SEPTIN7: variants seen among roughly 807,000 people sequenced by gnomAD.
SEPTIN7 encodes the protein septin 7, also known as septin-7.
SEPTIN7 carries 10 observed loss-of-function variants against 63.3 expected under a neutral mutation model. That is an observed-to-expected ratio of 0.16 (90% CI 0.10 to 0.27). SEPTIN7 has a LOEUF of 0.27. Among genes scored for constraint, SEPTIN7 ranks in the 10% least tolerant of loss-of-function variants. The pLI, the probability that SEPTIN7 is intolerant of heterozygous loss-of-function variation, is 1.00. For missense variants in SEPTIN7, 310 were observed against 521.0 expected, an observed-to-expected ratio of 0.59 and a Z score of 3.94; for synonymous variants, 131 against 165.3, an observed-to-expected ratio of 0.79 and a Z score of 1.59.
downstream of SEPTIN7, among the ~76,000 whole-genome samples, chr7:35,908,681 TTTG>T (rs1182424827): frequency 6.6e-6 from 1 of 152,122 alleles, no homozygotes; most frequent in African/African-American, 2.4e-5. Flanking sequence ...AAACTTCCTT[TTTG>T]TTCTCTTTGT....
At chr7:35,820,260 T>G (rs1789332643) in intron 1 of SEPTIN7, among the ~76,000 whole-genome samples, 1 of 152,120 alleles carries the variant, frequency 6.6e-6, no homozygotes, top group Non-Finnish European at 1.5e-5. Context: ...CTTATTCAGT[T>G]TGTTGAGCTT....
chr7:35,843,653 T>G (rs771838229), intron 3 of SEPTIN7, among the ~76,000 whole-genome samples: 1 of 152,164 alleles, frequency 6.6e-6, no homozygotes, highest in Non-Finnish European at 1.5e-5. Flanking sequence ...ATGGTGGAGA[T>G]AAAAAGCTCT....
chr7:35,913,519 C>T, the SEPTIN7 span, among the ~76,000 whole-genome samples: 1 of 148,318 alleles, frequency 6.7e-6, no homozygotes. Context: ...TTCCTTCCTT[C>T]CTTCTTTCTT....
At chr7:35,910,077 T>C (rs532903093), downstream of SEPTIN7, among the ~76,000 whole-genome samples, 1 of 152,342 alleles carries the variant, frequency 6.6e-6, no homozygotes, top group South Asian at 2.1e-4. Context: ...TCCACAGGGC[T>C]GCTTGAGTGG....
chr7:35,855,626 A>G (rs528562868), intron 3 of SEPTIN7, among the ~76,000 whole-genome samples: 2 of 152,298 alleles, frequency 1.3e-5, no homozygotes, highest in African/African-American at 2.4e-5. Flanking sequence ...TAATTTTCAC[A>G]TAGGAAGAGT....
At chr7:35,844,802 C>T (rs1784574800) in intron 3 of SEPTIN7, among the ~76,000 whole-genome samples, 1 of 152,140 alleles carries the variant, frequency 6.6e-6, no homozygotes, top group Non-Finnish European at 1.5e-5. Flanking sequence ...AGGATTTCAC[C>T]ATGTTGGCCA....
chr7:35,827,437 T>C (rs769694547), intron 1 of SEPTIN7, among the ~76,000 whole-genome samples: 2 of 152,216 alleles, frequency 1.3e-5, no homozygotes, highest in Non-Finnish European at 2.9e-5. Flanking sequence ...ATTTAGGGTA[T>C]GGAAAAATTC....
At chr7:35,914,657 C>A in the SEPTIN7 span, among the ~76,000 whole-genome samples, 10,212 of 41,024 alleles carry the variant, frequency 0.25, 548 homozygotes, top group African/African-American at 0.29. Flanking sequence ...CTCTCTCTCT[C>A]TCTATATATA....
intron 1 of SEPTIN7, among the ~76,000 whole-genome samples, chr7:35,824,703 A>G (rs1004214478): frequency 3.7e-4 from 57 of 152,176 alleles, no homozygotes; most frequent in African/African-American, 1.3e-3. Context: ...CATGTCTTTA[A>G]TATCTAACCT....
At chr7:35,827,552 G>A (rs151309113) in intron 1 of SEPTIN7, among the ~76,000 whole-genome samples, 10,786 of 151,982 alleles carry the variant, frequency 0.071, 430 homozygotes, top group South Asian at 0.18. Context: ...GTGCAGTGGC[G>A]CGATCTCCAC....
rs577630122 is a variant in SEPTIN7, at chr7:35,891,002, T to C, written c.998+209T>C. ...TTTGATAGTTTTCACTTACAAATTA[T>C]GTGGAAACAAAGGACAGGCTTTAAC... On this transcript the variant is annotated intron_variant, in intron 11 of 13. Coordinates refer to ENST00000350320, the MANE Select transcript of SEPTIN7 (RefSeq NM_001788.6). Among the ~76,000 whole-genome samples, 9 of 152,352 alleles carry C rather than the reference T, an allele frequency of 5.9e-5. No homozygotes were observed. The East Asian group carries it at 1.7e-3, about 29-fold the overall frequency.
intron 3 of SEPTIN7, among the ~76,000 whole-genome samples, chr7:35,857,198 C>G (rs1204598478): frequency 6.6e-6 from 1 of 152,094 alleles, no homozygotes; most frequent in East Asian, 1.9e-4. Flanking sequence ...AAAAAGAAAA[C>G]TACAACTAAC....
chr7:35,815,991 G>A (rs1789033217), intron 1 of SEPTIN7, among the ~76,000 whole-genome samples: 1 of 151,844 alleles, frequency 6.6e-6, no homozygotes, highest in South Asian at 2.1e-4. Context: ...GTATTTTTTT[G>A]CGCATATGAG....
rs180804428 is a variant in SEPTIN7 at position 35,819,796 on chromosome 7, G to A, written c.62-11696G>A. ...CTTTTTTTTCAATCTGTTTGTGTTT[G>A]TGATTCTGAAACATGTCTCATGTGG... On this transcript the variant is annotated intron_variant, in intron 1 of 13. Transcript: ENST00000350320. Among the ~76,000 whole-genome samples the A allele has an allele frequency of 4.2e-4, 64 of 151,714 alleles. 1 individual carries two copies. The highest frequency in any genetic ancestry group is 1.5e-3 in the African/African-American group (63 of 41,340).
chr7:35,810,771 GTT>G (rs757177376), intron 1 of SEPTIN7, among the ~76,000 whole-genome samples: 1 of 144,070 alleles, frequency 6.9e-6, no homozygotes, highest in Non-Finnish European at 1.5e-5. Context: ...GAGTTAATGA[GTT>G]TTTTTTTTTT....
intron 11 of SEPTIN7, among the ~76,000 whole-genome samples, chr7:35,894,870 A>G (rs1357485514): frequency 6.6e-6 from 1 of 152,172 alleles, no homozygotes; most frequent in Non-Finnish European, 1.5e-5. Flanking sequence ...GTAGAACTTG[A>G]CTAGGTCATC....
intron 3 of SEPTIN7, among the ~76,000 whole-genome samples, chr7:35,848,634 T>C (rs970599095): frequency 2.0e-5 from 3 of 152,154 alleles, no homozygotes; most frequent in Admixed American, 1.3e-4. Context: ...TTTCAACTGT[T>C]TTCAGTTTAG....
chr7:35,852,153 G>A (rs1433795506), intron 3 of SEPTIN7, among the ~76,000 whole-genome samples: 1 of 152,098 alleles, frequency 6.6e-6, no homozygotes, highest in African/African-American at 2.4e-5. Context: ...ACTGTGCCAA[G>A]GTATGATTCT....
chr7:35,801,404 G>T, intron 1 of SEPTIN7, 134 bp downstream of exon 1: 2 of 1,116,676 alleles, frequency 1.8e-6, no homozygotes, highest in Non-Finnish European at 2.4e-6. Flanking sequence ...CGGGATGGGG[G>T]CCACTGCGGG....
Sources: gnomAD v4.1 joint callset for allele counts (sites outside exome capture counted in the v4.1 genomes callset) on GRCh38, gnomAD v4.1.1 for gene constraint, MANE v1.5 for transcripts, NCBI Gene and HGNC (gene_info 2026-07-23, HGNC 2026-07-21) for gene names.